Variants in GUCY1A1 observed in about 807,000 individuals in gnomAD.
GUCY1A1 encodes the protein guanylate cyclase 1 soluble subunit alpha 1.
Under a neutral mutation model 64.5 loss-of-function variants are expected in GUCY1A1, and 48 were observed. The observed-to-expected ratio is 0.74, with a 90% CI of 0.59 to 0.95. GUCY1A1 has a LOEUF of 0.95. Among genes scored for constraint, GUCY1A1 ranks in the 40% least tolerant of loss-of-function variants. The probability of loss-of-function intolerance (pLI) is 0.00; values close to 1 mark genes in which losing one functional copy is unlikely to be tolerated. For synonymous variants in GUCY1A1, 308 were observed against 303.4 expected, an observed-to-expected ratio of 1.02 and a Z score of -0.16; for missense variants, 804 against 825.3, an observed-to-expected ratio of 0.97 and a Z score of 0.32.
rs182156778 is a variant in GUCY1A1 at position 155,707,593 on chromosome 4, C to T, written c.318-643C>T. ...CACTGAATACTTACAGCTTTTGCAC[C>T]GATATAAAGGTAAAAAAAAAAAAAA... On this transcript the variant is annotated intron_variant, in intron 4 of 9. Coordinates refer to ENST00000506455, the MANE Select transcript of GUCY1A1 (RefSeq NM_001130682.3). Among the ~76,000 whole-genome samples the T allele has an allele frequency of 1.9e-3, 275 of 146,758 alleles. 6 individuals carry two copies. Among genetic ancestry groups the T allele is most frequent in the Non-Finnish European group, 5.3e-4 (35 of 66,376 alleles).
chr4:155,669,592 A>G (rs1277324057), intron 2 of GUCY1A1, among the ~76,000 whole-genome samples: 1 of 152,112 alleles, frequency 6.6e-6, no homozygotes, highest in African/African-American at 2.4e-5. Flanking sequence ...GATCTTTCTT[A>G]AGACATTTTG....
intron 8 of GUCY1A1, 135 bp downstream of exon 8, chr4:155,717,437 C>G: frequency 4.3e-6 from 2 of 467,806 alleles, no homozygotes; most frequent in Non-Finnish European, 3.6e-6. Context: ...AGAACACAAT[C>G]TTCTCTAACT....
intron 2 of GUCY1A1, among the ~76,000 whole-genome samples, chr4:155,688,899 GA>G (rs1351648007): frequency 6.6e-6 from 1 of 151,568 alleles, no homozygotes; most frequent in Non-Finnish European, 1.5e-5. Context: ...GACCTAAGGG[GA>G]AAAAAGTGAA....
chr4:155,727,976 TCTG>T (rs1734961062), intron 9 of GUCY1A1, among the ~76,000 whole-genome samples: 1 of 151,824 alleles, frequency 6.6e-6, no homozygotes, highest in Non-Finnish European at 1.5e-5. Flanking sequence ...AGATGTCACT[TCTG>T]CTTTCCAGGA....
chr4:155,675,235 A>C (rs1734740263), intron 2 of GUCY1A1, among the ~76,000 whole-genome samples: 1 of 151,634 alleles, frequency 6.6e-6, no homozygotes, highest in South Asian at 2.1e-4. Context: ...TTACATTATT[A>C]AGTTAATAAA....
intron 9 of GUCY1A1, among the ~76,000 whole-genome samples, chr4:155,727,876 T>C (rs1734945805): frequency 6.6e-6 from 1 of 151,906 alleles, no homozygotes; most frequent in African/African-American, 2.4e-5. Flanking sequence ...AAGTGCTTTA[T>C]AGCTTGTAGG....
rs1376472516 is a variant in GUCY1A1 at position 155,736,177 on chromosome 4, G to T, written c.*5946G>T. 2.0e-5 allele frequency: 3 copies of T among 151,848 alleles called. No homozygotes were observed. The highest frequency in any genetic ancestry group is 2.9e-5 in the Non-Finnish European group (2 of 67,912). 9.4% of individuals were successfully genotyped at this position (151,848 alleles called of 1,614,324 possible). A position where few individuals can be genotyped will look rare whatever the true frequency, so the allele number is the denominator to read the frequency against. On this transcript the variant is annotated 3_prime_UTR_variant, in exon 10 of 10. Transcript: ENST00000506455. Reference sequence around the variant, plus strand: ...ACAACTCTATAGACTGATACATGCTGCTCTCAATCCATATACTACATATTA... The same window carrying T: ...ACAACTCTATAGACTGATACATGCTTCTCTCAATCCATATACTACATATTA...
chr4:155,718,776 C>G (rs540995044), intron 8 of GUCY1A1, among the ~76,000 whole-genome samples: 1 of 152,108 alleles, frequency 6.6e-6, no homozygotes, highest in African/African-American at 2.4e-5. Flanking sequence ...GAAGACACAC[C>G]GCAACACTTC....
chr4:155,679,917 CTT>C (rs1443441742), intron 2 of GUCY1A1, among the ~76,000 whole-genome samples: 1 of 152,184 alleles, frequency 6.6e-6, no homozygotes, highest in Non-Finnish European at 1.5e-5. Flanking sequence ...TCATTGATCT[CTT>C]TGTCACCCCT....
chr4:155,678,656 A>G (rs551676818), intron 2 of GUCY1A1, among the ~76,000 whole-genome samples: 1 of 152,354 alleles, frequency 6.6e-6, no homozygotes, highest in East Asian at 1.9e-4. Flanking sequence ...TTTACTTACT[A>G]TGGTAATTAC....
chr4:155,699,451 T>C (rs765568162), intron 3 of GUCY1A1, among the ~76,000 whole-genome samples: 17 of 152,196 alleles, frequency 1.1e-4, no homozygotes, highest in Admixed American at 1.3e-4. Context: ...TAGTAGTCTA[T>C]GTTGTTTGTT....
chr4:155,703,967 G>A lies in GUCY1A1; in HGVS notation c.291G>A (p.Leu97=), dbSNP rs769202235. The part of the protein sequence containing the change: ...ERLNVALQRT[L]AKHKIKESRK... Reference sequence around the variant, plus strand: ...TGAATGTTGCACTTCAGAGAACATTGGCAAAGCACAAAATAAAAGAAAGCA... The same window carrying A: ...TGAATGTTGCACTTCAGAGAACATTAGCAAAGCACAAAATAAAAGAAAGCA... The change falls in exon 4 of 10, where the codon TTG becomes TTA. Residue 97 remains leucine (L), a synonymous_variant. Transcript: ENST00000506455. The A allele has an allele frequency of 4.4e-6, 7 of 1,607,528 alleles. No homozygotes were observed. The Admixed American group carries it at 1.2e-4, about 27-fold the overall frequency.
At chr4:155,691,662 C>T (rs1483026) in intron 2 of GUCY1A1, among the ~76,000 whole-genome samples, 15,310 of 152,192 alleles carry the variant, frequency 0.1, 892 homozygotes, top group South Asian at 0.2. Flanking sequence ...TTTTTAATCA[C>T]AGATATTGGC....
Position 155,732,586 on chromosome 4 carries a change from A to T in GUCY1A1, c.*2355A>T, listed in dbSNP as rs2110823598. Among the ~76,000 whole-genome samples the T allele has an allele frequency of 6.6e-6, 1 of 152,056 alleles. No individual in the cohort carries two copies. Among genetic ancestry groups the T allele is most frequent in the African/African-American group, 2.4e-5 (1 of 41,538 alleles). ...GAAACTTTTCAGATCCAGACCACTG[A>T]TGGTAGCCAGAGTAGAGACCCTGGA... On this transcript the variant is annotated 3_prime_UTR_variant, in exon 10 of 10. Transcript: ENST00000506455.
chr4:155,677,232 A>G (rs1410922689), intron 2 of GUCY1A1, among the ~76,000 whole-genome samples: 1 of 152,352 alleles, frequency 6.6e-6, no homozygotes, highest in East Asian at 1.9e-4. Flanking sequence ...AAGATTAGGT[A>G]ATGTGATTAT....
intron 8 of GUCY1A1, among the ~76,000 whole-genome samples, chr4:155,720,291 A>G (rs1560962753): frequency 6.6e-6 from 1 of 152,136 alleles, no homozygotes; most frequent in Non-Finnish European, 1.5e-5. Context: ...TCCTCAATCT[A>G]AATATGCTGA....
At chr4:155,700,013 T>C (rs2126766036) in intron 3 of GUCY1A1, among the ~76,000 whole-genome samples, 1 of 152,312 alleles carries the variant, frequency 6.6e-6, no homozygotes, top group Middle Eastern at 3.4e-3. Flanking sequence ...TAAATTTAGA[T>C]CTCTTGCTTA....
intron 9 of GUCY1A1, among the ~76,000 whole-genome samples, chr4:155,722,832 A>G (rs762764095): frequency 3.9e-5 from 6 of 152,174 alleles, no homozygotes; most frequent in Non-Finnish European, 7.4e-5. Context: ...CAGAGCTTCC[A>G]TAGAATCAGA....
Position 155,668,230 on chromosome 4 carries a change from G to A in GUCY1A1, c.-113+811G>A, listed in dbSNP as rs115871667. ...TGTGGTCATGTGATTTCAGGCTATGGATTTCGTGCGTCTTTCTCTGCTCAC... is the reference window on the plus strand; with the variant it reads ...TGTGGTCATGTGATTTCAGGCTATGAATTTCGTGCGTCTTTCTCTGCTCAC... On this transcript the variant is annotated intron_variant, in intron 2 of 9. Coordinates refer to ENST00000506455, the MANE Select transcript of GUCY1A1 (RefSeq NM_001130682.3). 1,497 of 152,472 alleles carry A rather than the reference G, an allele frequency of 9.8e-3. 9 individuals are homozygous for A. The highest frequency in any genetic ancestry group is 0.018 in the Admixed American group (271 of 15,312). The allele number at this position is 152,472 out of a possible 1,614,324, so 9.4% of individuals were successfully genotyped here.
Sources: allele counts gnomAD v4.1 joint callset (sites outside exome capture counted in the v4.1 genomes callset), GRCh38; gene constraint gnomAD v4.1.1; transcripts MANE v1.5; gene names NCBI Gene and HGNC (gene_info 2026-07-23, HGNC 2026-07-21).